PWWP3A: variants seen among roughly 807,000 people sequenced by gnomAD.
The protein encoded by PWWP3A is PWWP domain containing 3A, DNA repair factor.
Under a neutral mutation model 79.0 loss-of-function variants are expected in PWWP3A, and 53 were observed. That is an observed-to-expected ratio of 0.67 (90% CI 0.54 to 0.84). The LOEUF is 0.84. Among genes scored for constraint, PWWP3A ranks in the 40% least tolerant of loss-of-function variants. PWWP3A has a pLI of 0.00. For missense variants in PWWP3A, 973 were observed against 948.0 expected (o/e 1.03, Z -0.35); for synonymous variants, 443 against 394.4 (o/e 1.12, Z -1.46).
intron 13 of PWWP3A, among the ~76,000 whole-genome samples, chr19:1,374,563 G>A (rs1361217798): frequency 6.6e-6 from 1 of 152,116 alleles, no homozygotes; most frequent in Admixed American, 6.5e-5. Flanking sequence ...TGCTGCGGCC[G>A]GTGTGCTCTC....
At position 1,378,073 on chromosome 19, in the gene PWWP3A, C is replaced by T. The variant is rs997593389; in HGVS notation, c.*1497C>T. On this transcript the variant is annotated 3_prime_UTR_variant, in exon 14 of 14. Coordinates refer to ENST00000591337, the MANE Select transcript of PWWP3A (RefSeq NM_001369789.1). Reference sequence around the variant, plus strand: ...GCCTGGCAGCTCCGCCTCCCATGCCCGCACGCTGGGGTCTGTCTTGTCTGG... The same window carrying T: ...GCCTGGCAGCTCCGCCTCCCATGCCTGCACGCTGGGGTCTGTCTTGTCTGG... The T allele has an allele frequency of 1.3e-5, 2 of 152,316 alleles. No individual in the cohort carries two copies. Among genetic ancestry groups the T allele is most frequent in the Non-Finnish European group, 2.9e-5 (2 of 68,120 alleles). The allele number at this position is 152,316 out of a possible 1,614,324, so 9.4% of individuals were successfully genotyped here. A position where few individuals can be genotyped will look rare whatever the true frequency, so the allele number is the denominator to read the frequency against.
intron 13 of PWWP3A, among the ~76,000 whole-genome samples, chr19:1,376,316 T>G (rs1277609775): frequency 3.0e-5 from 4 of 134,650 alleles, no homozygotes; most frequent in East Asian, 2.1e-4. Context: ...TGTTTGTTTT[T>G]TTTTTTTTTT....
chr19:1,356,890 T>C (rs1268003343), intron 2 of PWWP3A, 119 bp from the exon 3 acceptor site: 6 of 740,774 alleles, frequency 8.1e-6, no homozygotes, highest in African/African-American at 1.8e-5. Context: ...GGACCAAATA[T>C]CTGAAATCCC....
At chr19:1,375,441 A>ATG (rs2082345693) in intron 13 of PWWP3A, among the ~76,000 whole-genome samples, 1 of 134,082 alleles carries the variant, frequency 7.5e-6, no homozygotes, top group African/African-American at 2.8e-5. Context: ...ATATAGCCAT[A>ATG]TATATTTATA....
intron 5 of PWWP3A, 86 bp downstream of exon 5, chr19:1,361,118 T>G: frequency 7.6e-7 from 1 of 1,308,880 alleles, no homozygotes; most frequent in Non-Finnish European, 9.8e-7. Flanking sequence ...ACGTGGGTGT[T>G]TTTGACCAGA....
chr19:1,375,375 C>T (rs2082342826), intron 13 of PWWP3A, among the ~76,000 whole-genome samples: 1 of 143,448 alleles, frequency 7.0e-6, no homozygotes, highest in African/African-American at 2.6e-5. Flanking sequence ...AGCTCTGTCC[C>T]CATCAAACAA....
chr19:1,370,885 C>T lies in PWWP3A; in HGVS notation c.1793C>T (p.Pro598Leu), dbSNP rs200907337. The T allele has an allele frequency of 7.7e-6, 12 of 1,556,452 alleles. No individual in the cohort carries two copies. Among genetic ancestry groups the T allele is most frequent in the Non-Finnish European group, 1.0e-5 (12 of 1,149,710 alleles). ...CGGGCCATCCTAAAGAGCAGGAAGC[C>T]ATCTCGCTGGCTGCAGACCTTCCTG... is the stretch of plus-strand genomic sequence containing the variant. ...HLRAILKSRK[P>L]SRWLQTFLSS... Residue 598 changes from proline to leucine, a missense_variant, in exon 12 of 14, where the codon CCA becomes CTA. Transcript: ENST00000591337.
intron 13 of PWWP3A, among the ~76,000 whole-genome samples, chr19:1,375,780 A>G (rs1472072475): frequency 7.7e-6 from 1 of 129,432 alleles, no homozygotes; most frequent in Non-Finnish European, 1.6e-5. Context: ...GTATATGTAG[A>G]CATACACACA....
Position 1,362,278 on chromosome 19 carries a change from G to T in PWWP3A, c.1140G>T (p.Gly380=). The T allele has an allele frequency of 1.2e-6, 2 of 1,614,066 alleles. No homozygotes were observed. Among genetic ancestry groups the T allele is most frequent in the Non-Finnish European group, 1.7e-6 (2 of 1,179,986 alleles). The change falls in exon 6 of 14, where the codon GGG becomes GGT. Residue 380 remains glycine, a synonymous_variant. Coordinates refer to ENST00000591337, the MANE Select transcript of PWWP3A (RefSeq NM_001369789.1). ...KECQSSEESM[G]SNSMRSILEE... Reference sequence around the variant, plus strand: ...GCCAGTCTTCCGAAGAGTCCATGGGGTCTAATTCCATGCGTTCTATCCTGG... The same window carrying T: ...GCCAGTCTTCCGAAGAGTCCATGGGTTCTAATTCCATGCGTTCTATCCTGG...
intron 8 of PWWP3A, 44 bp from the exon 9 acceptor site, chr19:1,367,116 G>A: frequency 6.6e-7 from 1 of 1,519,660 alleles, no homozygotes; most frequent in South Asian, 1.1e-5. Flanking sequence ...TAGCTTATTA[G>A]AGGAAGTTCA....
intron 6 of PWWP3A, among the ~76,000 whole-genome samples, chr19:1,363,401 C>T (rs2082062468): frequency 6.6e-6 from 1 of 152,234 alleles, no homozygotes; most frequent in South Asian, 2.1e-4. Flanking sequence ...CCATTGGGCA[C>T]CTGTCTGGAT....
intron 13 of PWWP3A, among the ~76,000 whole-genome samples, chr19:1,375,641 AAT>A (rs1468534401): frequency 8.3e-4 from 6 of 7,236 alleles, no homozygotes; most frequent in Non-Finnish European, 1.6e-3. Context: ...TATATTATAT[AAT>A]ATATAATTGT....
In PWWP3A at chr19:1,369,556, T is replaced by G. The variant is rs979404095; in HGVS notation, c.1499-40T>G. On this transcript the variant is annotated intron_variant, in intron 10 of 13. Transcript: ENST00000591337. The surrounding 1 kb of genome is among the most constrained non-coding windows in gnomAD (Gnocchi z 4.0). ...TGGAACACACTTCCTGGGACTCCTC[T>G]TAGGTCTACACAGTGCTCTCTCCCC... 6.2e-7 allele frequency: 1 copy of G among 1,612,164 alleles called. No homozygotes were observed. The highest frequency in any genetic ancestry group is 8.5e-7 in the Non-Finnish European group (1 of 1,178,236).
intron 3 of PWWP3A, chr19:1,358,096 T>C: frequency 2.7e-6 from 1 of 371,464 alleles, no homozygotes; most frequent in Non-Finnish European, 4.8e-6. Flanking sequence ...AAAGGAGTGA[T>C]TTGTGCAGTT....
intron 13 of PWWP3A, among the ~76,000 whole-genome samples, chr19:1,375,810 ATTTTTT>A (rs34880865): frequency 4.5e-5 from 1 of 22,298 alleles, no homozygotes; most frequent in African/African-American, 1.1e-4. Flanking sequence ...GTATTTATTT[ATTTTTT>A]TTTTTTTGAG....
rs896676625 is a variant in PWWP3A, at chr19:1,377,667, G to A, written c.*1091G>A. ...AGAGCAAAGCCACAGACGATGACTT[G>A]TCCATTCTCAGTGGATGCTCCAGGC... On this transcript the variant is annotated 3_prime_UTR_variant, in exon 14 of 14. Transcript: ENST00000591337. The A allele has an allele frequency of 6.6e-6, 1 of 152,298 alleles. No individual in the cohort carries two copies. Among genetic ancestry groups the A allele is most frequent in the Non-Finnish European group, 1.5e-5 (1 of 68,098 alleles). 9.4% of individuals were successfully genotyped at this position (152,298 alleles called of 1,614,324 possible). A position where few individuals can be genotyped will look rare whatever the true frequency, so the allele number is the denominator to read the frequency against.
At chr19:1,358,729 G>A (rs967579635) in intron 4 of PWWP3A, 21 of 1,401,690 alleles carry the variant, frequency 1.5e-5, no homozygotes, top group South Asian at 7.4e-5. Context: ...TCGTACCCCC[G>A]TGGCCTCCAG....
intron 6 of PWWP3A, chr19:1,364,302 G>GTC: frequency 1.4e-6 from 1 of 690,256 alleles, no homozygotes; most frequent in East Asian, 2.7e-5. Flanking sequence ...TGGTTTCACT[G>GTC]TCTCATCATT....
chr19:1,371,197 C>T (rs959454884), intron 12 of PWWP3A, 119 bp downstream of exon 12: 23 of 1,195,362 alleles, frequency 1.9e-5, no homozygotes, highest in African/African-American at 7.5e-5. Context: ...CGGCGGCCAA[C>T]GGAGCGTGGA....
Sources: allele counts gnomAD v4.1 joint callset (sites outside exome capture counted in the v4.1 genomes callset), GRCh38; gene constraint gnomAD v4.1.1; non-coding constraint Gnocchi (gnomAD v3.1); transcripts MANE v1.5; gene names NCBI Gene and HGNC (gene_info 2026-07-23, HGNC 2026-07-21).